The following TASOR2 variants were observed in gnomAD, a reference collection of about 807,000 sequenced individuals.
TASOR2 encodes the protein transcription activation suppressor family member 2.
In TASOR2, 84 loss-of-function variants were observed where a neutral mutation model predicts 199.5. That is an observed-to-expected ratio of 0.42 (90% CI 0.35 to 0.50). The LOEUF (loss-of-function observed/expected upper bound fraction) is 0.50, where lower values mean the gene tolerates loss of function less well. TASOR2 is among the 20% of genes least tolerant of loss of function. The pLI, the probability that TASOR2 is intolerant of heterozygous loss-of-function variation, is 0.02. For synonymous variants in TASOR2, 1,103 were observed against 1,046.6 expected (o/e 1.05, Z -1.04); for missense variants, 2,796 against 2,835.9 (o/e 0.99, Z 0.32).
intron 11 of TASOR2, among the ~76,000 whole-genome samples, chr10:5,733,593 A>C (rs1487613405): frequency 1.3e-5 from 2 of 152,220 alleles, no homozygotes; most frequent in African/African-American, 4.8e-5. Context: ...CATGGTATTG[A>C]ATGTTACATG....
chr10:5,699,126 G>A lies in TASOR2; in HGVS notation c.-287-13697G>A, dbSNP rs1837494285. Reference sequence around the variant, plus strand: ...AAACAAAATGTAGTATATCCACAAAGTGGAATATTATTTGGCATAAAAAGG... The same window carrying A: ...AAACAAAATGTAGTATATCCACAAAATGGAATATTATTTGGCATAAAAAGG... On this transcript the variant is annotated intron_variant, in intron 1 of 20. Coordinates refer to ENST00000328090, the Ensembl canonical transcript of TASOR2. This position sits in a 1 kb window ranked among gnomAD's most constrained non-coding sequence, Gnocchi z 4.1. Among the ~76,000 whole-genome samples, 1 of 152,184 alleles carries A rather than the reference G, an allele frequency of 6.6e-6. No homozygotes were observed. Among genetic ancestry groups the A allele is most frequent in the African/African-American group, 2.4e-5 (1 of 41,442 alleles).
chr10:5,707,554 T>C (rs764818630), intron 1 of TASOR2, among the ~76,000 whole-genome samples: 1 of 152,084 alleles, frequency 6.6e-6, no homozygotes, highest in Non-Finnish European at 1.5e-5. Flanking sequence ...TATATCTCAC[T>C]GGCCAGAACT....
rs964641425 is a variant in TASOR2 at position 5,751,663 on chromosome 10, A to G, written c.6606+1636A>G. 2.0e-5 allele frequency among the ~76,000 whole-genome samples: 3 copies of G among 152,202 alleles called. No homozygotes were observed. Among genetic ancestry groups the G allele is most frequent in the African/African-American group, 7.2e-5 (3 of 41,446 alleles). ...TTTCCTTGCCCTAGTCTTGAAGTCA[A>G]GCATTTCTCCAAGGAGCTGTGACTC... On this transcript the variant is annotated intron_variant, in intron 15 of 20. Transcript: ENST00000328090. This position sits in a 1 kb window ranked among gnomAD's most constrained non-coding sequence, Gnocchi z 5.3.
At chr10:5,762,993 T>A in intron 20 of TASOR2, 36 bp from the exon 22 acceptor site, 1 of 1,603,392 alleles carries the variant, frequency 6.2e-7, no homozygotes, top group Middle Eastern at 1.7e-4. Flanking sequence ...TTCGTATTAT[T>A]TTAAGAAGTT....
rs769606734 is a variant in TASOR2 at position 5,749,047 on chromosome 10, A to C, written c.5626A>C (p.Asn1876His). The change falls in exon 15 of 21, where the codon AAC becomes CAC. Residue 1876 changes from asparagine to histidine, a missense_variant. Coordinates refer to ENST00000328090, the Ensembl canonical transcript of TASOR2. Reference sequence around the variant, plus strand: ...GTCGTCGTTGAACTTCCACAACAACAACCAAGAGGACTGGGGCTGCTCTAG... The same window carrying C: ...GTCGTCGTTGAACTTCCACAACAACCACCAAGAGGACTGGGGCTGCTCTAG... 11 of 1,613,912 alleles carry C rather than the reference A, an allele frequency of 6.8e-6. No individual in the cohort carries two copies. Among genetic ancestry groups the C allele is most frequent in the East Asian group, 2.2e-5 (1 of 44,872 alleles).
At position 5,685,396 on chromosome 10, in the gene TASOR2, C is replaced by T. The variant is rs1196973469; in HGVS notation, c.-288+221C>T. 7.2e-5 allele frequency among the ~76,000 whole-genome samples: 11 copies of T among 152,128 alleles called. No individual in the cohort carries two copies. The highest frequency in any genetic ancestry group is 7.2e-4 in the Admixed American group (11 of 15,272). Reference sequence around the variant, plus strand: ...AACCTGTGGCCGCGCTCGGTGTCGCCGGCAGGGAGATCCTAACCGTGTCAT... The same window carrying T: ...AACCTGTGGCCGCGCTCGGTGTCGCTGGCAGGGAGATCCTAACCGTGTCAT... On this transcript the variant is annotated intron_variant, in intron 1 of 20. Coordinates refer to ENST00000328090, the Ensembl canonical transcript of TASOR2. This position sits in a 1 kb window ranked among gnomAD's most constrained non-coding sequence, Gnocchi z 5.4.
chr10:5,731,310 C>G (rs1189182810), intron 11 of TASOR2, 107 bp downstream of exon 12: 6 of 1,036,760 alleles, frequency 5.8e-6, no homozygotes, highest in Admixed American at 2.3e-5. Flanking sequence ...GGGTGGATCA[C>G]CTAAGGTCAG....
intron 15 of TASOR2, among the ~76,000 whole-genome samples, chr10:5,755,799 C>A (rs1429630572): frequency 6.6e-6 from 1 of 151,666 alleles, no homozygotes; most frequent in East Asian, 1.9e-4. Flanking sequence ...TGCTTGAGGC[C>A]AGCCTGAGCA....
chr10:5,703,315 T>G (rs1838130319), intron 1 of TASOR2, among the ~76,000 whole-genome samples: 1 of 152,116 alleles, frequency 6.6e-6, no homozygotes, highest in African/African-American at 2.4e-5. Context: ...TGAATTCTCT[T>G]TTTAGTCACA....
chr10:5,749,833 G>A, exon 15 of TASOR2: 1 of 1,614,148 alleles, frequency 6.2e-7, no homozygotes, highest in African/African-American at 1.3e-5. Context: ...GCTAAATGAT[G>A]TTTCTGGAGA....
In TASOR2 at chr10:5,687,622, C is replaced by T. The variant is rs1488425460; in HGVS notation, c.-288+2447C>T. On this transcript the variant is annotated intron_variant, in intron 1 of 20. Coordinates refer to ENST00000328090, the Ensembl canonical transcript of TASOR2. The surrounding 1 kb of genome is among the most constrained non-coding windows in gnomAD (Gnocchi z 4.8). ...ATCACTTGAGGTCAGGAGTTAGGGA[C>T]CAGCCTGGCCAACATGGTGAAACAC... Among the ~76,000 whole-genome samples, 1 of 152,204 alleles carries T rather than the reference C, an allele frequency of 6.6e-6. No individual in the cohort carries two copies.
chr10:5,704,233 A>C (rs1455987704), intron 1 of TASOR2, among the ~76,000 whole-genome samples: 1 of 152,104 alleles, frequency 6.6e-6, no homozygotes, highest in Non-Finnish European at 1.5e-5. Context: ...CAAAAAAAAA[A>C]AAAAAGAAAG....
intron 15 of TASOR2, among the ~76,000 whole-genome samples, chr10:5,755,046 CAAAAAAAAA>C (rs34884255): frequency 1.3e-5 from 1 of 78,124 alleles, no homozygotes; most frequent in African/African-American, 5.1e-5. Context: ...ACTCTTGTCT[CAAAAAAAAA>C]AAAAAAAAAA....
Position 5,754,610 on chromosome 10 carries a change from G to A in TASOR2, c.6607-2003G>A, listed in dbSNP as rs767477726. 4.9e-4 allele frequency among the ~76,000 whole-genome samples: 75 copies of A among 151,952 alleles called. 1 individual carries two copies. The highest frequency in any genetic ancestry group is 8.4e-4 in the Non-Finnish European group (57 of 67,932). Reference sequence around the variant, plus strand: ...TCACCATGTTGGCCAGGCTGGTCTCGAACTCCATAGCAGGAGTTCTTCTAG... The same window carrying A: ...TCACCATGTTGGCCAGGCTGGTCTCAAACTCCATAGCAGGAGTTCTTCTAG... On this transcript the variant is annotated intron_variant, in intron 15 of 20. Transcript: ENST00000328090. This position sits in a 1 kb window ranked among gnomAD's most constrained non-coding sequence, Gnocchi z 4.3.
rs1253693845 is a variant in TASOR2 at position 5,738,246 on chromosome 10, GT to G, written c.1448-1365del. ...GTCTTAAATAGAAATTATGGGTGGT[GT>G]TTTTTTAATTGGGAACCTGTAACAC... On this transcript the variant is annotated intron_variant, in intron 12 of 20. Transcript: ENST00000328090. This position sits in a 1 kb window ranked among gnomAD's most constrained non-coding sequence, Gnocchi z 4.7. 1.3e-5 allele frequency among the ~76,000 whole-genome samples: 2 copies of G among 152,118 alleles called. No individual in the cohort carries two copies. The highest frequency in any genetic ancestry group is 6.5e-5 in the Admixed American group (1 of 15,288).
Position 5,722,961 on chromosome 10 carries a change from T to C in TASOR2, c.147-716T>C, listed in dbSNP as rs547775454. 6.8e-6 allele frequency among the ~76,000 whole-genome samples: 1 copy of C among 146,638 alleles called. No individual in the cohort carries two copies. Among genetic ancestry groups the C allele is most frequent in the Middle Eastern group, 3.5e-3 (1 of 282 alleles). ...AGTCAGAGGTTGCAGTGAGCTGAGA[T>C]CGCACCACTGCACTCCAGCCTGGGT... is the stretch of plus-strand genomic sequence containing the variant. On this transcript the variant is annotated intron_variant, in intron 6 of 20. Coordinates refer to ENST00000328090, the Ensembl canonical transcript of TASOR2. The surrounding 1 kb of genome is among the most constrained non-coding windows in gnomAD (Gnocchi z 4.0).
chr10:5,761,679 C>CAGTTCTAGATTACTTAT (rs1839859668), intron 19 of TASOR2: 1 of 563,036 alleles, frequency 1.8e-6, no homozygotes. Context: ...GTATGTAAGT[C>CAGTTCTAGATTACTTAT]AGTTCTAGAT....
In TASOR2 at chr10:5,742,008, G is replaced by A. The variant is rs1486478297; in HGVS notation, c.2328-89G>A. ...TTTAAAAATAAAAACAAAAACTAAG[G>A]AATATTGGAGGCACTTGCTTATGAT... On this transcript the variant is annotated intron_variant, in intron 13 of 20. Coordinates refer to ENST00000328090, the Ensembl canonical transcript of TASOR2. The surrounding 1 kb of genome is among the most constrained non-coding windows in gnomAD (Gnocchi z 4.2). 4 of 1,220,424 alleles carry A rather than the reference G, an allele frequency of 3.3e-6. No individual in the cohort carries two copies. The African/African-American group carries it at 4.6e-5, about 14-fold the overall frequency. The allele number at this position is 1,220,424 out of a possible 1,614,324, so 75.6% of individuals were successfully genotyped here. A position where few individuals can be genotyped will look rare whatever the true frequency, so the allele number is the denominator to read the frequency against.
chr10:5,688,084 T>A (rs1835991886), intron 1 of TASOR2, among the ~76,000 whole-genome samples: 12 of 152,216 alleles, frequency 7.9e-5, no homozygotes. Context: ...TGTTGCCATG[T>A]ATTATTTTGG....
Sources: gnomAD v4.1 joint callset for allele counts (sites outside exome capture counted in the v4.1 genomes callset) on GRCh38, gnomAD v4.1.1 for gene constraint, Gnocchi (gnomAD v3.1) non-coding constraint, MANE v1.5 for transcripts, NCBI Gene and HGNC (gene_info 2026-07-23, HGNC 2026-07-21) for gene names.